PLEKHM3: variants seen among roughly 807,000 people sequenced by gnomAD.
PLEKHM3 encodes pleckstrin homology domain containing M3, also known as pleckstrin homology domain-containing family M member 3.
A neutral mutation model predicts 81.8 loss-of-function variants in PLEKHM3; 45 were observed. The observed-to-expected ratio is 0.55, with a 90% confidence interval of 0.43 to 0.71. The LOEUF (loss-of-function observed/expected upper bound fraction) is 0.71. PLEKHM3 is among the 30% of genes least tolerant of loss of function. The probability of loss-of-function intolerance (pLI) is 0.00; values close to 1 mark genes in which losing one functional copy is unlikely to be tolerated. For missense variants in PLEKHM3, 788 were observed against 924.3 expected (o/e 0.85, Z 1.91); for synonymous variants, 352 against 356.4 (o/e 0.99, Z 0.14).
chr2:207,880,591 G>A (rs2092583355), intron 6 of PLEKHM3, among the ~76,000 whole-genome samples: 2 of 147,108 alleles, frequency 1.4e-5, no homozygotes, highest in South Asian at 2.2e-4. Flanking sequence ...GTGAAACCCC[G>A]TTTCTACTAA....
In PLEKHM3 at chr2:207,865,804, ATATATATAT is replaced by A. The variant is rs1559212886; in HGVS notation, c.1951-4551_1951-4543del. 3.3e-3 allele frequency among the ~76,000 whole-genome samples: 102 copies of A among 30,908 alleles called. 6 individuals are homozygous for A. Among genetic ancestry groups the A allele is most frequent in the East Asian group, 0.019 (23 of 1,188 alleles). 20.3% of individuals were successfully genotyped at this position (30,908 alleles called of 152,430 possible). On this transcript the variant is annotated intron_variant, in intron 6 of 7. Coordinates refer to ENST00000427836, the MANE Select transcript of PLEKHM3 (RefSeq NM_001080475.3). Reference sequence around the variant, plus strand: ...CTCAAAAAAAAAAAAAAAAAAAAAGATATATATATATATATATATATATATATATATATA... The same window carrying A: ...CTCAAAAAAAAAAAAAAAAAAAAAGAATATATATATATATATATATATATA...
intron 2 of PLEKHM3, among the ~76,000 whole-genome samples, chr2:207,988,011 C>A (rs1691782773): frequency 6.6e-6 from 1 of 152,194 alleles, no homozygotes; most frequent in South Asian, 2.1e-4. Context: ...GAAATGCTAA[C>A]CCCAGCAAAT....
At chr2:207,873,465 C>T (rs2105835195) in intron 6 of PLEKHM3, among the ~76,000 whole-genome samples, 1 of 152,268 alleles carries the variant, frequency 6.6e-6, no homozygotes, top group Non-Finnish European at 1.5e-5. Flanking sequence ...TTATAATTAA[C>T]CAACAAGGAA....
At chr2:207,911,624 G>C (rs947200829) in intron 5 of PLEKHM3, among the ~76,000 whole-genome samples, 2 of 152,232 alleles carry the variant, frequency 1.3e-5, no homozygotes, top group African/African-American at 4.8e-5. Flanking sequence ...ATGAGAGACA[G>C]AGGATGTTTA....
intron 5 of PLEKHM3, among the ~76,000 whole-genome samples, chr2:207,920,717 A>G (rs906947335): frequency 1.3e-5 from 2 of 151,372 alleles, no homozygotes; most frequent in African/African-American, 2.4e-5. Context: ...ATAGAGGGTA[A>G]TGTTTTTATT....
chr2:207,835,916 A>G (rs2092316126), intron 7 of PLEKHM3, among the ~76,000 whole-genome samples: 1 of 152,174 alleles, frequency 6.6e-6, no homozygotes. Flanking sequence ...GATGACAGCC[A>G]TTTACCAGCC....
At chr2:207,932,440 C>G (rs1005633060) in intron 4 of PLEKHM3, among the ~76,000 whole-genome samples, 5 of 152,048 alleles carry the variant, frequency 3.3e-5, no homozygotes, top group Admixed American at 2.6e-4. Flanking sequence ...TAAAAACTTT[C>G]CATTAAAATC....
intron 6 of PLEKHM3, among the ~76,000 whole-genome samples, chr2:207,892,230 G>A (rs1574377711): frequency 1.3e-5 from 2 of 152,146 alleles, no homozygotes; most frequent in South Asian, 2.1e-4. Context: ...AATAGACTCC[G>A]TAAGTCATGC....
At chr2:207,830,202 T>C (rs1369735529) in intron 7 of PLEKHM3, among the ~76,000 whole-genome samples, 2 of 152,136 alleles carry the variant, frequency 1.3e-5, no homozygotes, top group Non-Finnish European at 2.9e-5. Flanking sequence ...GAGCTTCACA[T>C]CAATTCCTGG....
In PLEKHM3 at chr2:207,828,021, G is replaced by A. The variant is rs933765681; in HGVS notation, c.*298C>T. 1.5e-5 allele frequency: 3 copies of A among 199,304 alleles called. No individual in the cohort carries two copies. The highest frequency in any genetic ancestry group is 1.1e-4 in the East Asian group (1 of 8,960). The allele number at this position is 199,304 out of a possible 1,614,324, so 12.3% of individuals were successfully genotyped here. On this transcript the variant is annotated 3_prime_UTR_variant, in exon 8 of 8. Transcript: ENST00000427836. ...AAAAAAGTCTGAACTATAAAGCATTGTGTATACCACGTTTTGTCTGGGAGC... is the reference window on the plus strand; with the variant it reads ...AAAAAAGTCTGAACTATAAAGCATTATGTATACCACGTTTTGTCTGGGAGC...
intron 5 of PLEKHM3, among the ~76,000 whole-genome samples, chr2:207,923,516 A>C (rs561494883): frequency 2.0e-3 from 312 of 152,214 alleles, no homozygotes; most frequent in African/African-American, 7.3e-3. Flanking sequence ...CTGAGGCAGG[A>C]GGATCGCTTG....
chr2:207,993,329 T>C (rs1691960331), intron 2 of PLEKHM3, among the ~76,000 whole-genome samples: 1 of 152,184 alleles, frequency 6.6e-6, no homozygotes, highest in Admixed American at 6.5e-5. Context: ...GCAACTTCTT[T>C]GTACTGACTA....
intron 2 of PLEKHM3, among the ~76,000 whole-genome samples, chr2:207,990,072 G>C (rs1222157777): frequency 2.6e-5 from 4 of 152,176 alleles, no homozygotes; most frequent in Admixed American, 1.3e-4. Context: ...GAGGCCAAGA[G>C]TGCTATTCCA....
At chr2:207,850,621 A>G (rs979965157) in intron 7 of PLEKHM3, among the ~76,000 whole-genome samples, 6 of 152,232 alleles carry the variant, frequency 3.9e-5, no homozygotes, top group African/African-American at 1.4e-4. Flanking sequence ...AGAAATGTAG[A>G]AAGCAGGATT....
chr2:207,891,699 T>G (rs1025164463), intron 6 of PLEKHM3, among the ~76,000 whole-genome samples: 7 of 152,230 alleles, frequency 4.6e-5, no homozygotes, highest in Admixed American at 6.5e-5. Flanking sequence ...TAACATAGTT[T>G]GAATGAACAG....
intron 6 of PLEKHM3, among the ~76,000 whole-genome samples, chr2:207,891,253 A>G (rs1407437441): frequency 1.3e-5 from 2 of 152,238 alleles, no homozygotes; most frequent in Non-Finnish European, 2.9e-5. Context: ...AAGCCTCATT[A>G]CAGTTGTAAA....
intron 6 of PLEKHM3, among the ~76,000 whole-genome samples, chr2:207,901,975 G>A (rs1688445402): frequency 6.6e-6 from 1 of 152,142 alleles, no homozygotes; most frequent in African/African-American, 2.4e-5. Context: ...TTGTTTTTCT[G>A]CTTGTTAAAT....
chr2:207,842,504 T>C (rs1025763938), intron 7 of PLEKHM3, among the ~76,000 whole-genome samples: 1 of 152,212 alleles, frequency 6.6e-6, no homozygotes, highest in African/African-American at 2.4e-5. Flanking sequence ...TTAAAATTAC[T>C]CTACTTTGCA....
chr2:208,017,386 G>A (rs963106300), intron 1 of PLEKHM3, among the ~76,000 whole-genome samples: 2 of 152,124 alleles, frequency 1.3e-5, no homozygotes, highest in African/African-American at 4.8e-5. Context: ...GGAGGGAGTG[G>A]CGACAGAGTT....
Sources: gnomAD v4.1 joint callset for allele counts (sites outside exome capture counted in the v4.1 genomes callset) on GRCh38, gnomAD v4.1.1 for gene constraint, MANE v1.5 for transcripts, NCBI Gene and HGNC (gene_info 2026-07-23, HGNC 2026-07-21) for gene names.